CADPS2: variants seen among roughly 807,000 people sequenced by gnomAD.
CADPS2 encodes calcium-dependent secretion activator 2.
A neutral mutation model predicts 172.5 loss-of-function variants in CADPS2; 93 were observed. The observed-to-expected ratio is 0.54, with a 90% CI of 0.46 to 0.64. The LOEUF (loss-of-function observed/expected upper bound fraction) is 0.64, where lower values mean the gene tolerates loss of function less well. Among genes scored for constraint, CADPS2 ranks in the 30% least tolerant of loss-of-function variants. The pLI is 0.00. For synonymous variants in CADPS2, 546 were observed against 555.2 expected, an observed-to-expected ratio of 0.98 and a Z score of 0.23; for missense variants, 1,420 against 1,565.9, an observed-to-expected ratio of 0.91 and a Z score of 1.57.
In CADPS2 at chr7:122,559,770, CAA is replaced by C. The variant is rs71161306; in HGVS notation, c.1336-5083_1336-5082del. 4.8e-3 allele frequency among the ~76,000 whole-genome samples: 410 copies of C among 85,072 alleles called. 1 individual carries two copies. Among genetic ancestry groups the C allele is most frequent in the African/African-American group, 0.018 (399 of 21,838 alleles). The allele number at this position is 85,072 out of a possible 152,430, so 55.8% of individuals were successfully genotyped here. A position where few individuals can be genotyped will look rare whatever the true frequency, so the allele number is the denominator to read the frequency against. On this transcript the variant is annotated intron_variant, in intron 7 of 29. Transcript: ENST00000449022. ...TGGGTGACAGTGCGAGACTCCACCT[CAA>C]AAAAAAAAAAAAAAAAAAAAGGAAA...
chr7:122,661,429 AC>A (rs2080517188), intron 3 of CADPS2, among the ~76,000 whole-genome samples: 1 of 152,170 alleles, frequency 6.6e-6, no homozygotes, highest in African/African-American at 2.4e-5. Flanking sequence ...ACTCATAGGA[AC>A]ATGGAAATAT....
chr7:122,536,600 C>T (rs1176579775), intron 8 of CADPS2, among the ~76,000 whole-genome samples: 1 of 151,972 alleles, frequency 6.6e-6, no homozygotes, highest in African/African-American at 2.4e-5. Flanking sequence ...AGGCGAGAGA[C>T]CATTTACTGA....
At chr7:122,357,331 G>A (rs2039537246) in intron 27 of CADPS2, 1 of 152,110 alleles carries the variant, frequency 6.6e-6, no homozygotes, top group African/African-American at 2.4e-5. Context: ...TTATTTATAA[G>A]TTCCATTTCC....
intron 1 of CADPS2, among the ~76,000 whole-genome samples, chr7:122,754,559 G>T (rs529173952): frequency 6.6e-6 from 1 of 152,104 alleles, no homozygotes; most frequent in East Asian, 1.9e-4. Context: ...TCACTGCAAC[G>T]TCCGCCTCCC....
chr7:122,670,128 C>T (rs2081642177), intron 2 of CADPS2, among the ~76,000 whole-genome samples: 1 of 151,984 alleles, frequency 6.6e-6, no homozygotes, highest in South Asian at 2.1e-4. Flanking sequence ...GTTTATCTGG[C>T]AGCCACCCTA....
At chr7:122,616,404 A>G (rs2133887527) in intron 5 of CADPS2, among the ~76,000 whole-genome samples, 1 of 152,218 alleles carries the variant, frequency 6.6e-6, no homozygotes, top group South Asian at 2.1e-4. Flanking sequence ...CAAAAAACAA[A>G]CCATCTTAAA....
intron 1 of CADPS2, among the ~76,000 whole-genome samples, chr7:122,842,845 C>T (rs1335175799): frequency 1.3e-5 from 2 of 152,156 alleles, no homozygotes; most frequent in Non-Finnish European, 1.5e-5. Context: ...ACACTATCCA[C>T]TAAGGGCCCA....
rs147850706 is a variant in CADPS2 at position 122,699,568 on chromosome 7, C to G, written c.454-35999G>C. On this transcript the variant is annotated intron_variant, in intron 2 of 29. Coordinates refer to ENST00000449022, the MANE Select transcript of CADPS2 (RefSeq NM_017954.11). ...GCTAATTTTTGATTCATCACATAAA[C>G]CATTATATTGCATTTATTTAATTTA... Among the ~76,000 whole-genome samples the G allele has an allele frequency of 4.0e-3, 602 of 152,222 alleles. 2 individuals are homozygous for G. The highest frequency in any genetic ancestry group is 0.014 in the African/African-American group (564 of 41,530).
rs1199247387 is a variant in CADPS2, at chr7:122,320,144, C to T, written c.*21G>A. On this transcript the variant is annotated 3_prime_UTR_variant, in exon 30 of 30. Coordinates refer to ENST00000449022, the MANE Select transcript of CADPS2 (RefSeq NM_017954.11). ...ACAATGTCGATCAAGGTCTTCCTTCCTTCTGCAAAGCTGTGTGATATCAGC... is the reference window on the plus strand; with the variant it reads ...ACAATGTCGATCAAGGTCTTCCTTCTTTCTGCAAAGCTGTGTGATATCAGC... 6.5e-7 allele frequency: 1 copy of T among 1,545,508 alleles called. No individual in the cohort carries two copies. The highest frequency in any genetic ancestry group is 1.2e-5 in the South Asian group (1 of 81,118).
rs187718955 is a variant in CADPS2 at position 122,429,901 on chromosome 7, G to A, written c.2476+8440C>T. Among the ~76,000 whole-genome samples the A allele has an allele frequency of 2.3e-3, 347 of 151,146 alleles. 3 individuals carry two copies. Among genetic ancestry groups the A allele is most frequent in the African/African-American group, 6.4e-3 (263 of 41,188 alleles). ...TGCAGTTTTTTTTTTTAATAAACAC[G>A]TGGCCTCTAGACACAAACATTCTTA... On this transcript the variant is annotated intron_variant, in intron 17 of 29. Coordinates refer to ENST00000449022, the MANE Select transcript of CADPS2 (RefSeq NM_017954.11).
chr7:122,419,542 T>C (rs2048312087), intron 17 of CADPS2, among the ~76,000 whole-genome samples: 1 of 152,172 alleles, frequency 6.6e-6, no homozygotes, highest in Admixed American at 6.5e-5. Flanking sequence ...AATTATGTAC[T>C]AATTTTTGTA....
At chr7:122,858,976 AG>A (rs1172709340) in intron 1 of CADPS2, among the ~76,000 whole-genome samples, 1 of 152,238 alleles carries the variant, frequency 6.6e-6, no homozygotes, top group Non-Finnish European at 1.5e-5. Context: ...TGATTTGGTC[AG>A]GGAACAGGGC....
At chr7:122,645,696 T>C (rs1300530949) in intron 3 of CADPS2, among the ~76,000 whole-genome samples, 1 of 132,122 alleles carries the variant, frequency 7.6e-6, no homozygotes, top group Non-Finnish European at 1.6e-5. Context: ...GGGATTTTGC[T>C]CTTAGTTAGA....
intron 19 of CADPS2, among the ~76,000 whole-genome samples, chr7:122,413,585 T>C (rs2047556190): frequency 6.6e-6 from 1 of 152,198 alleles, no homozygotes; most frequent in Non-Finnish European, 1.5e-5. Context: ...TTGAGGCAGA[T>C]ACATTAACCT....
At chr7:122,480,096 C>T (rs968519876) in intron 12 of CADPS2, 5 of 471,368 alleles carry the variant, frequency 1.1e-5, no homozygotes, top group South Asian at 3.1e-5. Context: ...AACTCTAGCA[C>T]GTTACATTTT....
intron 17 of CADPS2, among the ~76,000 whole-genome samples, chr7:122,422,843 C>T (rs1231251198): frequency 1.3e-5 from 2 of 151,658 alleles, no homozygotes; most frequent in African/African-American, 4.8e-5. Flanking sequence ...CCTGTAATCC[C>T]AGCTACTTGG....
chr7:122,730,091 ACAT>A (rs1188165672), intron 2 of CADPS2, among the ~76,000 whole-genome samples: 2 of 151,804 alleles, frequency 1.3e-5, no homozygotes, highest in Admixed American at 6.6e-5. Flanking sequence ...GAAAATAATC[ACAT>A]CATAACAGAG....
Position 122,663,246 on chromosome 7 carries a change from A to G in CADPS2, c.777T>C (p.Asn259=), listed in dbSNP as rs1440285679. Reference sequence around the variant, plus strand: ...ATCAGAGACCACTTACCTGACATGCATTATAAAGGAGCTGGTGTTCCAGTT... The same window carrying G: ...ATCAGAGACCACTTACCTGACATGCGTTATAAAGGAGCTGGTGTTCCAGTT... ...IKKLEHQLLY[N]ACQLDNADEQ... The change falls in exon 3 of 30, where the codon AAT becomes AAC. Residue 259 remains asparagine (N), a synonymous_variant. Coordinates refer to ENST00000449022, the MANE Select transcript of CADPS2 (RefSeq NM_017954.11). 2 of 1,608,866 alleles carry G rather than the reference A, an allele frequency of 1.2e-6. No homozygotes were observed. The highest frequency in any genetic ancestry group is 8.5e-7 in the Non-Finnish European group (1 of 1,175,970).
chr7:122,358,001 T>C (rs566385661), intron 27 of CADPS2, among the ~76,000 whole-genome samples: 1 of 152,226 alleles, frequency 6.6e-6, no homozygotes, highest in Admixed American at 6.5e-5. Context: ...CAGAGAACTG[T>C]GATTGGTGGG....
Sources: allele counts gnomAD v4.1 joint callset (sites outside exome capture counted in the v4.1 genomes callset), GRCh38; gene constraint gnomAD v4.1.1; transcripts MANE v1.5; gene names NCBI Gene and HGNC (gene_info 2026-07-23, HGNC 2026-07-21).